The following MBOAT1 variants were observed in gnomAD, a reference collection of about 807,000 sequenced individuals.
MBOAT1 encodes the protein membrane bound glycerophospholipid O-acyltransferase 1.
MBOAT1 carries 67 observed loss-of-function variants against 64.4 expected under a neutral mutation model. That is an observed-to-expected ratio of 1.04 (90% CI 0.85 to 1.27). The LOEUF (loss-of-function observed/expected upper bound fraction) is 1.27, where lower values mean the gene tolerates loss of function less well. MBOAT1 is among the 50% of genes most tolerant of loss of function. The pLI, the probability that MBOAT1 is intolerant of heterozygous loss-of-function variation, is 0.00. For synonymous variants in MBOAT1, 229 were observed against 218.9 expected (o/e 1.05, Z -0.41); for missense variants, 563 against 604.6 (o/e 0.93, Z 0.72).
At chr6:20,110,031 T>A (rs1405213036) in intron 11 of MBOAT1, among the ~76,000 whole-genome samples, 1 of 147,384 alleles carries the variant, frequency 6.8e-6, no homozygotes, top group African/African-American at 2.5e-5. Flanking sequence ...TGCCTCAGCC[T>A]CCCAAGTAGC....
intron 1 of MBOAT1, among the ~76,000 whole-genome samples, chr6:20,172,590 C>A (rs1056709049): frequency 6.6e-6 from 1 of 152,072 alleles, no homozygotes; most frequent in African/African-American, 2.4e-5. Flanking sequence ...TTTTTGCCTG[C>A]CCAAATTCGT....
intron 12 of MBOAT1, among the ~76,000 whole-genome samples, chr6:20,106,543 C>T (rs1157384352): frequency 6.6e-6 from 1 of 152,190 alleles, no homozygotes; most frequent in South Asian, 2.1e-4. Flanking sequence ...CTGCCTCAGC[C>T]TCCTGAGTAG....
intron 1 of MBOAT1, among the ~76,000 whole-genome samples, chr6:20,205,762 C>T (rs780245075): frequency 2.6e-5 from 4 of 152,152 alleles, no homozygotes; most frequent in East Asian, 1.9e-4. Flanking sequence ...CAAAAGGCCC[C>T]CCCACCCACC....
chr6:20,163,017 C>T (rs1478029663), intron 1 of MBOAT1, among the ~76,000 whole-genome samples: 1 of 152,132 alleles, frequency 6.6e-6, no homozygotes, highest in Non-Finnish European at 1.5e-5. Flanking sequence ...CCTTATTTTG[C>T]AAATATCATG....
chr6:20,171,901 C>T (rs192514479), intron 1 of MBOAT1, among the ~76,000 whole-genome samples: 182 of 149,930 alleles, frequency 1.2e-3, no homozygotes, highest in African/African-American at 4.1e-3. Flanking sequence ...AGATGTGGTG[C>T]GCTCACCTGT....
intron 1 of MBOAT1, among the ~76,000 whole-genome samples, chr6:20,204,744 T>C (rs1323570396): frequency 6.6e-6 from 1 of 152,212 alleles, no homozygotes; most frequent in African/African-American, 2.4e-5. Context: ...AAGAGTTCAC[T>C]GTGCTGAAAG....
chr6:20,175,384 G>A (rs1245783508), intron 1 of MBOAT1, among the ~76,000 whole-genome samples: 1 of 151,434 alleles, frequency 6.6e-6, no homozygotes, highest in Non-Finnish European at 1.5e-5. Context: ...TCAGCCTCCC[G>A]ACTAGCTAGG....
At chr6:20,110,004 G>A (rs1317155987) in intron 11 of MBOAT1, among the ~76,000 whole-genome samples, 4 of 149,078 alleles carry the variant, frequency 2.7e-5, no homozygotes, top group African/African-American at 9.8e-5. Context: ...CTGCCTCCTG[G>A]GTTCAAGTGA....
At chr6:20,103,896 C>T (rs1475077388) in intron 12 of MBOAT1, among the ~76,000 whole-genome samples, 1 of 152,180 alleles carries the variant, frequency 6.6e-6, no homozygotes, top group African/African-American at 2.4e-5. Flanking sequence ...CTAAAGTCTA[C>T]AGTAGTGCAC....
At chr6:20,143,288 T>C (rs1761230220) in intron 4 of MBOAT1, among the ~76,000 whole-genome samples, 1 of 152,212 alleles carries the variant, frequency 6.6e-6, no homozygotes, top group Non-Finnish European at 1.5e-5. Flanking sequence ...CAGTTTTCCA[T>C]CCATAGTCTT....
chr6:20,212,235 C>A lies in MBOAT1; in HGVS notation c.-1G>T. The A allele has an allele frequency of 6.2e-7, 1 of 1,611,252 alleles. No individual in the cohort carries two copies. The highest frequency in any genetic ancestry group is 1.1e-5 in the South Asian group (1 of 90,650). Reference sequence around the variant, plus strand: ...TGGACGGCTGCGGCTCTGCTGCCATCCTGCATCTTCGGGAGGTGGCTGCCC... The same window carrying A: ...TGGACGGCTGCGGCTCTGCTGCCATACTGCATCTTCGGGAGGTGGCTGCCC... On this transcript the variant is annotated 5_prime_UTR_variant, in exon 1 of 13. Transcript: ENST00000324607.
At chr6:20,116,299 T>C (rs1441074286) in intron 9 of MBOAT1, among the ~76,000 whole-genome samples, 6 of 151,320 alleles carry the variant, frequency 4.0e-5, no homozygotes, top group African/African-American at 1.5e-4. Flanking sequence ...ACCACTGCAC[T>C]CCAGCCTGGG....
At chr6:20,212,044 G>T in intron 1 of MBOAT1, 92 bp downstream of exon 1, 2 of 1,102,160 alleles carry the variant, frequency 1.8e-6, no homozygotes, top group Middle Eastern at 2.1e-4. Context: ...AATACGCCAT[G>T]GAGGCGGAGG....
chr6:20,109,495 A>G lies in MBOAT1; in HGVS notation c.1361+103T>C, dbSNP rs186353850. The stretch of plus-strand genomic sequence containing the variant: ...CACTTCCCACACTGAAGCCCCAGTT[A>G]GAAGTGTTTAGGACTGCTTCATTCA... On this transcript the variant is annotated intron_variant, in intron 12 of 12. Coordinates refer to ENST00000324607, the MANE Select transcript of MBOAT1 (RefSeq NM_001080480.3). The G allele has an allele frequency of 1.1e-5, 15 of 1,370,516 alleles. No homozygotes were observed. In the African/African-American group the frequency reaches 2.2e-4, roughly 20 times the overall value. The allele number at this position is 1,370,516 out of a possible 1,614,324, so 84.9% of individuals were successfully genotyped here.
chr6:20,113,412 G>A (rs1331562607), intron 10 of MBOAT1, among the ~76,000 whole-genome samples: 8 of 152,140 alleles, frequency 5.3e-5, no homozygotes, highest in African/African-American at 1.9e-4. Flanking sequence ...TAACAATTTC[G>A]GAATCAGGGT....
intron 3 of MBOAT1, among the ~76,000 whole-genome samples, chr6:20,150,563 T>C (rs915973767): frequency 1.6e-5 from 2 of 126,290 alleles, no homozygotes; most frequent in African/African-American, 3.5e-5. Context: ...TTCTTTTTCC[T>C]TTTTTTTTTT....
At chr6:20,208,033 TG>T (rs1401592132) in intron 1 of MBOAT1, among the ~76,000 whole-genome samples, 1 of 152,120 alleles carries the variant, frequency 6.6e-6, no homozygotes, top group Admixed American at 6.5e-5. Flanking sequence ...TAACAATGAC[TG>T]GAATGTGAGC....
At chr6:20,139,315 A>G (rs1761096938) in intron 4 of MBOAT1, among the ~76,000 whole-genome samples, 1 of 151,936 alleles carries the variant, frequency 6.6e-6, no homozygotes, top group South Asian at 2.1e-4. Flanking sequence ...TTTTGTAGAG[A>G]CGGGGTTTCA....
intron 5 of MBOAT1, 136 bp from the exon 6 acceptor site, chr6:20,128,889 C>A: frequency 3.2e-6 from 2 of 626,478 alleles, no homozygotes; most frequent in Non-Finnish European, 2.6e-6. Context: ...TCCTGTTTTT[C>A]ATTTTTTTTT....
Sources: allele counts gnomAD v4.1 joint callset (sites outside exome capture counted in the v4.1 genomes callset), GRCh38; gene constraint gnomAD v4.1.1; transcripts MANE v1.5; gene names NCBI Gene and HGNC (gene_info 2026-07-23, HGNC 2026-07-21).